The following SPRR4 variants were observed in gnomAD, a reference collection of about 807,000 sequenced individuals.
SPRR4 encodes the protein small proline rich protein 4.
For synonymous variants in SPRR4, 30 were observed against 34.3 expected (o/e 0.87, Z 0.44); for missense variants, 106 against 91.6 (o/e 1.16, Z -0.64).
chr1:152,971,578 TCACACACACACA>T (rs57593504), intron 1 of SPRR4, among the ~76,000 whole-genome samples: 2 of 144,144 alleles, frequency 1.4e-5, no homozygotes, highest in South Asian at 2.2e-4. Context: ...GCCCGATCTC[TCACACACACACA>T]CACACACACA....
At position 152,972,231 on chromosome 1, in the gene SPRR4, C is replaced by T; in HGVS notation, c.*101C>T. On this transcript the variant is annotated 3_prime_UTR_variant, in exon 2 of 2. Transcript: ENST00000328051. ...CTCCAGCTCTTGAGCCTACCCTCCT[C>T]TCACATCTCCTCCTGCCCAAGATGT... 2.7e-6 allele frequency: 4 copies of T among 1,507,528 alleles called. No homozygotes were observed. Among genetic ancestry groups the T allele is most frequent in the Admixed American group, 2.0e-5 (1 of 49,122 alleles). The allele number at this position is 1,507,528 out of a possible 1,614,324, so 93.4% of individuals were successfully genotyped here.
Position 152,972,206 on chromosome 1 carries a change from C to A in SPRR4, c.*76C>A. The A allele has an allele frequency of 6.3e-7, 1 of 1,582,070 alleles. No homozygotes were observed. The highest frequency in any genetic ancestry group is 1.3e-5 in the African/African-American group (1 of 74,160). ...CTTCTCTTCTTCCTTCTCCTCTTCC[C>A]TCCAGCTCTTGAGCCTACCCTCCTC... On this transcript the variant is annotated 3_prime_UTR_variant, in exon 2 of 2. Coordinates refer to ENST00000328051, the MANE Select transcript of SPRR4 (RefSeq NM_173080.3).
chr1:152,972,461 C>A lies in SPRR4; in HGVS notation c.*331C>A. 2.9e-6 allele frequency: 1 copy of A among 345,242 alleles called. No individual in the cohort carries two copies. The highest frequency in any genetic ancestry group is 5.7e-6 in the Non-Finnish European group (1 of 176,406). The allele number at this position is 345,242 out of a possible 1,614,324, so 21.4% of individuals were successfully genotyped here. A position where few individuals can be genotyped will look rare whatever the true frequency, so the allele number is the denominator to read the frequency against. Reference sequence around the variant, plus strand: ...GGCTTCTTCTGGGGTTCCACCCTGACAAGTAGGGTCACAGAGGCTGGTGCA... The same window carrying A: ...GGCTTCTTCTGGGGTTCCACCCTGAAAAGTAGGGTCACAGAGGCTGGTGCA... On this transcript the variant is annotated 3_prime_UTR_variant, in exon 2 of 2. Transcript: ENST00000328051.
At chr1:152,969,968 C>T (rs1038784791), upstream of SPRR4, among the ~76,000 whole-genome samples, 2 of 152,130 alleles carry the variant, frequency 1.3e-5, no homozygotes, top group Non-Finnish European at 2.9e-5. Flanking sequence ...CTACCTGTGC[C>T]CCAGAGAAGC....
Position 152,971,982 on chromosome 1 carries a change from C to G in SPRR4, c.92C>G (p.Pro31Arg). 1 of 1,614,072 alleles carries G rather than the reference C, an allele frequency of 6.2e-7. No individual in the cohort carries two copies. The highest frequency in any genetic ancestry group is 8.5e-7 in the Non-Finnish European group (1 of 1,180,008). The change falls in exon 2 of 2, where the codon CCT becomes CGT. Residue 31 changes from proline to arginine, a missense_variant. Pro to Arg is a moderately radical substitution (Grantham distance 103). Coordinates refer to ENST00000328051, the MANE Select transcript of SPRR4 (RefSeq NM_173080.3). ...GTGAAGCAGCCTTGTCAGCCACCCC[C>G]TGTTAAATGTCAAGAGACATGTGCA... Reference protein sequence around the residue: ...QQVKQPCQPPPVKCQETCAPK... With the variant: ...QQVKQPCQPPRVKCQETCAPK...
At position 152,972,216 on chromosome 1, in the gene SPRR4, TGA is replaced by T; in HGVS notation, c.*88_*89del. 1 of 1,562,972 alleles carries T rather than the reference TGA, an allele frequency of 6.4e-7. No individual in the cohort carries two copies. Among genetic ancestry groups the T allele is most frequent in the Non-Finnish European group, 8.7e-7 (1 of 1,152,624 alleles). ...TCCTTCTCCTCTTCCCTCCAGCTCT[TGA>T]GCCTACCCTCCTCTCACATCTCCTC... On this transcript the variant is annotated 3_prime_UTR_variant, in exon 2 of 2. Transcript: ENST00000328051.
upstream of SPRR4, among the ~76,000 whole-genome samples, chr1:152,968,877 A>G (rs971774936): frequency 4.6e-5 from 7 of 152,224 alleles, no homozygotes; most frequent in Non-Finnish European, 7.3e-5. Context: ...GGTATATGAA[A>G]AGCCTTGGTC....
intron 1 of SPRR4, among the ~76,000 whole-genome samples, chr1:152,971,170 T>C (rs372424483): frequency 1.3e-5 from 2 of 152,142 alleles, no homozygotes; most frequent in African/African-American, 4.8e-5. Flanking sequence ...ACTTCCCATC[T>C]ATAATCATTA....
At chr1:152,969,870 C>G (rs1419034382), upstream of SPRR4, among the ~76,000 whole-genome samples, 2 of 152,188 alleles carry the variant, frequency 1.3e-5, no homozygotes, top group African/African-American at 4.8e-5. Flanking sequence ...TGTTCTGTAA[C>G]CACCACGAAT....
intron 1 of SPRR4, among the ~76,000 whole-genome samples, chr1:152,971,089 T>G (rs1328383626): frequency 6.6e-6 from 1 of 152,200 alleles, no homozygotes; most frequent in Non-Finnish European, 1.5e-5. Context: ...ATATTGAACA[T>G]TTTATTCAAT....
intron 1 of SPRR4, among the ~76,000 whole-genome samples, 154 bp downstream of exon 1, chr1:152,970,848 C>T (rs1239565442): frequency 1.3e-5 from 2 of 152,186 alleles, no homozygotes; most frequent in African/African-American, 4.8e-5. Flanking sequence ...GCACACTAAT[C>T]GGTACTTAGA....
At chr1:152,970,127 A>G, upstream of SPRR4, among the ~76,000 whole-genome samples, 1 of 152,176 alleles carries the variant, frequency 6.6e-6, no homozygotes, top group South Asian at 2.1e-4. Flanking sequence ...AATCTTTCTC[A>G]GCCTCACTTT....
At position 152,972,433 on chromosome 1, in the gene SPRR4, C is replaced by A. The variant is rs1421104567; in HGVS notation, c.*303C>A. The A allele has an allele frequency of 4.8e-6, 2 of 412,662 alleles. No homozygotes were observed. The highest frequency in any genetic ancestry group is 4.1e-5 in the African/African-American group (2 of 49,378). The allele number at this position is 412,662 out of a possible 1,614,324, so 25.6% of individuals were successfully genotyped here. On this transcript the variant is annotated 3_prime_UTR_variant, in exon 2 of 2. Coordinates refer to ENST00000328051, the MANE Select transcript of SPRR4 (RefSeq NM_173080.3). ...CCATTTCCCAAAGTGAGGAAAGTGTCTGGGCTTCTTCTGGGGTTCCACCCT... is the reference window on the plus strand; with the variant it reads ...CCATTTCCCAAAGTGAGGAAAGTGTATGGGCTTCTTCTGGGGTTCCACCCT...
intron 1 of SPRR4, among the ~76,000 whole-genome samples, chr1:152,971,146 T>C (rs1187528659): frequency 6.6e-6 from 1 of 152,120 alleles, no homozygotes; most frequent in Non-Finnish European, 1.5e-5. Flanking sequence ...ACCTCTTTAC[T>C]TCCTGAGGCC....
At chr1:152,969,739 T>C (rs1651776969), upstream of SPRR4, among the ~76,000 whole-genome samples, 1 of 152,228 alleles carries the variant, frequency 6.6e-6, no homozygotes, top group African/African-American at 2.4e-5. Context: ...TTTGAGTATG[T>C]TTCCTGCAAT....
upstream of SPRR4, among the ~76,000 whole-genome samples, chr1:152,969,379 T>C (rs1651766442): frequency 6.6e-6 from 1 of 152,218 alleles, no homozygotes; most frequent in Non-Finnish European, 1.5e-5. Context: ...AAAATTGTCA[T>C]GAGGATTAAA....
upstream of SPRR4, among the ~76,000 whole-genome samples, chr1:152,969,925 CG>C (rs1403021492): frequency 6.6e-6 from 1 of 152,158 alleles, no homozygotes; most frequent in Non-Finnish European, 1.5e-5. Flanking sequence ...GGGACAGCAC[CG>C]CCGTGTGCTG....
chr1:152,972,347 G>C lies in SPRR4; in HGVS notation c.*217G>C, dbSNP rs1304474564. 1 of 735,944 alleles carries C rather than the reference G, an allele frequency of 1.4e-6. No homozygotes were observed. The highest frequency in any genetic ancestry group is 1.8e-5 in the African/African-American group (1 of 55,732). The allele number at this position is 735,944 out of a possible 1,614,324, so 45.6% of individuals were successfully genotyped here. On this transcript the variant is annotated 3_prime_UTR_variant, in exon 2 of 2. Transcript: ENST00000328051. Reference sequence around the variant, plus strand: ...TATATCCCACCCCGATGCTCTCCCAGGTGGGTGTGAGAGAGACCTCATTCT... The same window carrying C: ...TATATCCCACCCCGATGCTCTCCCACGTGGGTGTGAGAGAGACCTCATTCT...
At chr1:152,971,312 A>T (rs929762066) in intron 1 of SPRR4, among the ~76,000 whole-genome samples, 1 of 152,180 alleles carries the variant, frequency 6.6e-6, no homozygotes, top group Non-Finnish European at 1.5e-5. Flanking sequence ...AAGGTTGCCC[A>T]TGAAGTTAAT....
Sources: allele counts gnomAD v4.1 joint callset (sites outside exome capture counted in the v4.1 genomes callset), GRCh38; gene constraint gnomAD v4.1.1; transcripts MANE v1.5; gene names NCBI Gene and HGNC (gene_info 2026-07-23, HGNC 2026-07-21).